AIG1: variants seen among roughly 807,000 people sequenced by gnomAD.
AIG1 encodes androgen-induced gene 1 protein.
Under a neutral mutation model 31.4 loss-of-function variants are expected in AIG1, and 23 were observed. That is an observed-to-expected ratio of 0.73 (90% CI 0.53 to 1.04). The LOEUF is 1.04. Among genes scored for constraint, AIG1 ranks in the 50% least tolerant of loss-of-function variants. The pLI, the probability that AIG1 is intolerant of heterozygous loss-of-function variation, is 0.00. For missense variants in AIG1, 274 were observed against 295.0 expected, an observed-to-expected ratio of 0.93 and a Z score of 0.52; for synonymous variants, 100 against 110.5, an observed-to-expected ratio of 0.90 and a Z score of 0.60.
At position 143,291,635 on chromosome 6, in the gene AIG1, C is replaced by T. The variant is rs1357377427; in HGVS notation, c.515+7410C>T. ...TTTCCCCCGCCAGAAAGGAAAGAGG[C>T]ATCTCAGAACCAGTCCACGTCCTCC... On this transcript the variant is annotated intron_variant, in intron 4 of 5. Transcript: ENST00000357847. This position sits in a 1 kb window ranked among gnomAD's most constrained non-coding sequence, Gnocchi z 4.2. Among the ~76,000 whole-genome samples, 1 of 152,166 alleles carries T rather than the reference C, an allele frequency of 6.6e-6. No homozygotes were observed.
intron 2 of AIG1, among the ~76,000 whole-genome samples, chr6:143,142,669 T>C (rs1458247386): frequency 6.6e-6 from 1 of 152,202 alleles, no homozygotes; most frequent in East Asian, 1.9e-4. Flanking sequence ...AAATTTGACC[T>C]TCTTATCTGA....
chr6:143,168,369 T>C (rs1787165266), intron 3 of AIG1, among the ~76,000 whole-genome samples: 1 of 151,758 alleles, frequency 6.6e-6, no homozygotes, highest in Non-Finnish European at 1.5e-5. Flanking sequence ...AACTCTTCAT[T>C]TAACATTAGG....
chr6:143,291,340 C>G lies in AIG1; in HGVS notation c.515+7115C>G, dbSNP rs1377018641. ...GCAAGAGTTTTCCAGCAGCAGGAAA[C>G]CATGGGGTGTGCTGCCCTGGACAGG... On this transcript the variant is annotated intron_variant, in intron 4 of 5. Transcript: ENST00000357847. This position sits in a 1 kb window ranked among gnomAD's most constrained non-coding sequence, Gnocchi z 4.2. 6.6e-6 allele frequency among the ~76,000 whole-genome samples: 1 copy of G among 152,080 alleles called. No individual in the cohort carries two copies. The highest frequency in any genetic ancestry group is 1.5e-5 in the Non-Finnish European group (1 of 68,014).
intron 3 of AIG1, among the ~76,000 whole-genome samples, chr6:143,237,775 A>G (rs1052934474): frequency 6.6e-6 from 1 of 152,162 alleles, no homozygotes; most frequent in South Asian, 2.1e-4. Flanking sequence ...GAAATTATGA[A>G]GTATATCAGC....
At chr6:143,245,930 T>C (rs559998632) in intron 3 of AIG1, among the ~76,000 whole-genome samples, 1 of 152,322 alleles carries the variant, frequency 6.6e-6, no homozygotes, top group East Asian at 1.9e-4. Context: ...GTCCCATCTT[T>C]TGGCTTCCCT....
At chr6:143,179,959 A>G (rs1389108296) in intron 3 of AIG1, among the ~76,000 whole-genome samples, 6 of 152,244 alleles carry the variant, frequency 3.9e-5, no homozygotes, top group African/African-American at 4.8e-5. Context: ...TAGGCATTCA[A>G]TAAATGTTGG....
intron 3 of AIG1, among the ~76,000 whole-genome samples, chr6:143,211,676 C>T (rs967187109): frequency 6.6e-6 from 1 of 152,102 alleles, no homozygotes; most frequent in South Asian, 2.1e-4. Context: ...ATGGATCACT[C>T]GAGGTCAGGA....
chr6:143,334,264 T>G lies in AIG1; in HGVS notation c.679+819T>G, dbSNP rs984498641. ...GAGATTTTAGGAAGCCCTGGCTCTT[T>G]CCTCTGACACAATCACAGCATTCTA... On this transcript the variant is annotated intron_variant, in intron 5 of 5. Transcript: ENST00000357847. The surrounding 1 kb of genome is among the most constrained non-coding windows in gnomAD (Gnocchi z 5.1). 7.9e-5 allele frequency among the ~76,000 whole-genome samples: 12 copies of G among 152,246 alleles called. No individual in the cohort carries two copies. Among genetic ancestry groups the G allele is most frequent in the Admixed American group, 5.2e-4 (8 of 15,290 alleles).
At chr6:143,171,498 A>G (rs1327703837) in intron 3 of AIG1, among the ~76,000 whole-genome samples, 1 of 122,660 alleles carries the variant, frequency 8.2e-6, no homozygotes, top group East Asian at 2.4e-4. Context: ...AATATATAAT[A>G]TATATTTAAT....
Position 143,318,259 on chromosome 6 carries a change from G to A in AIG1, c.516-15023G>A, listed in dbSNP as rs187302807. Reference sequence around the variant, plus strand: ...ACTGTAAGGCCATAGTCACCAAAACGGCATGGTACTGGTATAAAAATAGGC... The same window carrying A: ...ACTGTAAGGCCATAGTCACCAAAACAGCATGGTACTGGTATAAAAATAGGC... On this transcript the variant is annotated intron_variant, in intron 4 of 5. Transcript: ENST00000357847. Among the ~76,000 whole-genome samples the A allele has an allele frequency of 9.0e-4, 136 of 151,954 alleles. No homozygotes were observed. The South Asian group carries it at 0.013, about 14-fold the overall frequency.
chr6:143,109,081 T>C (rs914469214), intron 1 of AIG1, among the ~76,000 whole-genome samples: 4 of 151,880 alleles, frequency 2.6e-5, no homozygotes, highest in Non-Finnish European at 5.9e-5. Flanking sequence ...ATTCCTATGG[T>C]ATTCTGTAGG....
intron 1 of AIG1, among the ~76,000 whole-genome samples, chr6:143,076,531 A>G (rs187403345): frequency 2.6e-5 from 4 of 152,268 alleles, no homozygotes; most frequent in Admixed American, 1.3e-4. Context: ...GATAATCTCT[A>G]TTCTTTAATA....
At position 143,340,585 on chromosome 6, in the gene AIG1, T is replaced by A. The variant is rs1583924568; in HGVS notation, c.*909T>A. On this transcript the variant is annotated 3_prime_UTR_variant, in exon 6 of 6. Coordinates refer to ENST00000357847, the MANE Select transcript of AIG1 (RefSeq NM_016108.4). ...ATGCCATTCTCCTGCCTTCTCAGCC[T>A]CCCGAGTAGCTGGGACTACAGGCGC... Among the ~76,000 whole-genome samples, 1 of 152,110 alleles carries A rather than the reference T, an allele frequency of 6.6e-6. No individual in the cohort carries two copies. Among genetic ancestry groups the A allele is most frequent in the Non-Finnish European group, 1.5e-5 (1 of 68,016 alleles).
At chr6:143,188,711 G>A (rs1031298712) in intron 3 of AIG1, 5 of 985,184 alleles carry the variant, frequency 5.1e-6, no homozygotes, top group Non-Finnish European at 6.0e-6. Context: ...TAAGGAGACT[G>A]TAGAAGACTT....
In AIG1 at chr6:143,333,997, G is replaced by T; in HGVS notation, c.679+552G>T. ...GTCTGAAAGTGGCAAAGAGCTACAA[G>T]CAGTAAAAGATAATATTTCGTGGCT... On this transcript the variant is annotated intron_variant, in intron 5 of 5. Transcript: ENST00000357847. This position sits in a 1 kb window ranked among gnomAD's most constrained non-coding sequence, Gnocchi z 4.6. 1.4e-6 allele frequency: 2 copies of T among 1,456,352 alleles called. No homozygotes were observed. Among genetic ancestry groups the T allele is most frequent in the Non-Finnish European group, 1.9e-6 (2 of 1,065,574 alleles). The allele number at this position is 1,456,352 out of a possible 1,614,324, so 90.2% of individuals were successfully genotyped here.
intron 1 of AIG1, among the ~76,000 whole-genome samples, chr6:143,107,834 T>A (rs772049280): frequency 8.5e-5 from 13 of 152,222 alleles, no homozygotes; most frequent in Non-Finnish European, 1.6e-4. Context: ...TAACTTCATT[T>A]ATCTTTTGTG....
At chr6:143,068,873 G>A (rs1776979765) in intron 1 of AIG1, among the ~76,000 whole-genome samples, 1 of 151,940 alleles carries the variant, frequency 6.6e-6, no homozygotes, top group Non-Finnish European at 1.5e-5. Context: ...TAAAATTACG[G>A]ATATCACTTA....
intron 1 of AIG1, among the ~76,000 whole-genome samples, chr6:143,104,230 C>T (rs1780594402): frequency 6.6e-6 from 1 of 152,116 alleles, no homozygotes; most frequent in South Asian, 2.1e-4. Context: ...AGAAATGATG[C>T]TACAATTAAA....
Position 143,333,136 on chromosome 6 carries a change from T to C in AIG1, c.516-146T>C. The C allele has an allele frequency of 5.8e-6, 4 of 693,188 alleles. No individual in the cohort carries two copies. Among genetic ancestry groups the C allele is most frequent in the Non-Finnish European group, 8.9e-6 (4 of 448,664 alleles). 42.9% of individuals were successfully genotyped at this position (693,188 alleles called of 1,614,324 possible). A position where few individuals can be genotyped will look rare whatever the true frequency, so the allele number is the denominator to read the frequency against. ...AAATAAACAGCAACCAAGTTTCCAGTAGCTCCTGAGTATCAGAAGCGAACT... is the reference window on the plus strand; with the variant it reads ...AAATAAACAGCAACCAAGTTTCCAGCAGCTCCTGAGTATCAGAAGCGAACT... On this transcript the variant is annotated intron_variant, in intron 4 of 5. Coordinates refer to ENST00000357847, the MANE Select transcript of AIG1 (RefSeq NM_016108.4). The surrounding 1 kb of genome is among the most constrained non-coding windows in gnomAD (Gnocchi z 4.6).
Sources: gnomAD v4.1 joint callset for allele counts (sites outside exome capture counted in the v4.1 genomes callset) on GRCh38, gnomAD v4.1.1 for gene constraint, Gnocchi (gnomAD v3.1) non-coding constraint, MANE v1.5 for transcripts, NCBI Gene and HGNC (gene_info 2026-07-23, HGNC 2026-07-21) for gene names.